Variants in MYO5B observed in about 807,000 individuals in gnomAD.
MYO5B encodes myosin VB, also known as unconventional myosin-Vb.
A neutral mutation model predicts 229.3 loss-of-function variants in MYO5B; 143 were observed. That is an observed-to-expected ratio of 0.62 (90% confidence interval 0.54 to 0.72). MYO5B has a LOEUF of 0.72. Ranked by LOEUF, MYO5B falls within the 30% of genes least tolerant of loss-of-function variation. The pLI is 0.00. For missense variants in MYO5B, 2,321 were observed against 2,331.0 expected, an observed-to-expected ratio of 1.00 and a Z score of 0.09; for synonymous variants, 918 against 885.2, an observed-to-expected ratio of 1.04 and a Z score of -0.66.
chr18:49,918,654 G>T (rs2025042723), intron 17 of MYO5B, among the ~76,000 whole-genome samples: 1 of 152,186 alleles, frequency 6.6e-6, no homozygotes, highest in Non-Finnish European at 1.5e-5. Flanking sequence ...TTCCCTACAA[G>T]GTCTCACATG....
chr18:50,157,320 G>T (rs2032696337), intron 1 of MYO5B, among the ~76,000 whole-genome samples: 1 of 152,214 alleles, frequency 6.6e-6, no homozygotes, highest in East Asian at 1.9e-4. Context: ...TGGCCAGGCT[G>T]GTCTCGAACT....
At chr18:50,150,883 G>A (rs1321215535) in intron 1 of MYO5B, among the ~76,000 whole-genome samples, 1 of 152,160 alleles carries the variant, frequency 6.6e-6, no homozygotes, top group Non-Finnish European at 1.5e-5. Flanking sequence ...ACAACATATA[G>A]CTGAAAATAA....
At chr18:50,104,678 A>T (rs562874780) in intron 1 of MYO5B, among the ~76,000 whole-genome samples, 11 of 152,342 alleles carry the variant, frequency 7.2e-5, no homozygotes, top group Admixed American at 5.2e-4. Context: ...GTTTCAGACC[A>T]TGCGCTCTTA....
Position 49,996,035 on chromosome 18 carries a change from A to T in MYO5B, c.613-3604T>A, listed in dbSNP as rs144508185. Among the ~76,000 whole-genome samples the T allele has an allele frequency of 3.4e-3, 518 of 152,372 alleles. 1 individual carries two copies. The highest frequency in any genetic ancestry group is 0.013 in the South Asian group (64 of 4,822). ...AAATTCTAAAGGAGAAGCTCGTTTC[A>T]ACAGATAAGTTTCAATTTCAAACTT... On this transcript the variant is annotated intron_variant, in intron 5 of 39. Transcript: ENST00000285039.
At chr18:49,953,985 TATA>T (rs1262374286) in intron 13 of MYO5B, among the ~76,000 whole-genome samples, 1 of 147,770 alleles carries the variant, frequency 6.8e-6, no homozygotes, top group Non-Finnish European at 1.5e-5. Flanking sequence ...GTGTATAGAC[TATA>T]TATATACACA....
intron 5 of MYO5B, 29 bp downstream of exon 5, chr18:50,001,226 G>A (rs376652527): frequency 3.5e-5 from 57 of 1,613,876 alleles, no homozygotes; most frequent in Non-Finnish European, 4.8e-5. Context: ...GCTCCAGCCA[G>A]GAAGGCCAGG....
intron 27 of MYO5B, among the ~76,000 whole-genome samples, chr18:49,868,175 G>A (rs1482449956): frequency 1.3e-5 from 2 of 152,052 alleles, no homozygotes; most frequent in Non-Finnish European, 2.9e-5. Flanking sequence ...TAATATCAGA[G>A]ACTGCCTTTA....
At chr18:50,185,453 G>A (rs1344675309) in intron 1 of MYO5B, among the ~76,000 whole-genome samples, 1 of 152,150 alleles carries the variant, frequency 6.6e-6, no homozygotes, top group African/African-American at 2.4e-5. Context: ...GAAAATAAAT[G>A]AGGTTACAAG....
chr18:49,926,149 C>G (rs564725232), intron 17 of MYO5B, among the ~76,000 whole-genome samples: 1 of 152,336 alleles, frequency 6.6e-6, no homozygotes, highest in African/African-American at 2.4e-5. Flanking sequence ...GCAGTTCATC[C>G]TGAACAATGC....
At chr18:49,974,808 C>G (rs917357204) in intron 9 of MYO5B, among the ~76,000 whole-genome samples, 193 bp from the exon 10 acceptor site, 80 of 149,886 alleles carry the variant, frequency 5.3e-4, no homozygotes, top group African/African-American at 1.7e-3. Context: ...GACACACACA[C>G]ACACACACAC....
At chr18:49,955,811 T>C (rs2025486575) in intron 12 of MYO5B, among the ~76,000 whole-genome samples, 1 of 152,180 alleles carries the variant, frequency 6.6e-6, no homozygotes, top group Non-Finnish European at 1.5e-5. Flanking sequence ...ATTCTGTGTT[T>C]AGAACCACCG....
intron 6 of MYO5B, among the ~76,000 whole-genome samples, chr18:49,991,025 G>A (rs1206740881): frequency 2.0e-5 from 3 of 152,034 alleles, no homozygotes; most frequent in Admixed American, 6.5e-5. Context: ...GCCTTACACC[G>A]GTGGGGTGGG....
intron 1 of MYO5B, among the ~76,000 whole-genome samples, chr18:50,133,177 A>G (rs1410527537): frequency 6.6e-6 from 1 of 152,172 alleles, no homozygotes; most frequent in East Asian, 1.9e-4. Flanking sequence ...GGCCCCCTTC[A>G]AAGTACTTCA....
At chr18:50,143,623 A>G (rs576111270) in intron 1 of MYO5B, among the ~76,000 whole-genome samples, 1 of 152,368 alleles carries the variant, frequency 6.6e-6, no homozygotes, top group East Asian at 1.9e-4. Flanking sequence ...AAAGTTCTAT[A>G]ACATAGCCAG....
intron 12 of MYO5B, among the ~76,000 whole-genome samples, chr18:49,959,817 C>CACCT (rs975870984): frequency 8.5e-5 from 13 of 152,172 alleles, no homozygotes; most frequent in Non-Finnish European, 1.5e-4. Flanking sequence ...GGCTGGTGGG[C>CACCT]ACCTACTCCC....
At chr18:49,966,496 G>A (rs1225677642) in intron 10 of MYO5B, among the ~76,000 whole-genome samples, 6 of 152,056 alleles carry the variant, frequency 3.9e-5, no homozygotes, top group Non-Finnish European at 7.4e-5. Context: ...TGCCTTCCCC[G>A]ATCCTCCACC....
intron 17 of MYO5B, among the ~76,000 whole-genome samples, chr18:49,918,768 C>T (rs1245302833): frequency 1.3e-5 from 2 of 152,196 alleles, no homozygotes; most frequent in African/African-American, 4.8e-5. Flanking sequence ...GGATCATCTT[C>T]ATTATGCCAC....
chr18:50,194,924 T>G lies in MYO5B; in HGVS notation c.-131A>C. 2 of 1,178,250 alleles carry G rather than the reference T, an allele frequency of 1.7e-6. No individual in the cohort carries two copies. The highest frequency in any genetic ancestry group is 2.1e-6 in the Non-Finnish European group (2 of 947,866). The allele number at this position is 1,178,250 out of a possible 1,614,324, so 73.0% of individuals were successfully genotyped here. A position where few individuals can be genotyped will look rare whatever the true frequency, so the allele number is the denominator to read the frequency against. On this transcript the variant is annotated 5_prime_UTR_variant, in exon 1 of 40. Transcript: ENST00000285039. ...TCGATCTTCTCGCTCTTCTCCGACC[T>G]GCCCCGCCGGCTTCCCGCAGGCGCC... is the stretch of plus-strand genomic sequence containing the variant.
chr18:49,937,153 G>T, intron 15 of MYO5B, 92 bp downstream of exon 15: 1 of 1,492,748 alleles, frequency 6.7e-7, no homozygotes, highest in African/African-American at 1.4e-5. Context: ...CTGCTGTGAT[G>T]GCTTCCCTCT....
Sources: gnomAD v4.1 joint callset for allele counts (sites outside exome capture counted in the v4.1 genomes callset) on GRCh38, gnomAD v4.1.1 for gene constraint, MANE v1.5 for transcripts, NCBI Gene and HGNC (gene_info 2026-07-23, HGNC 2026-07-21) for gene names.